The following ZC3H13 variants were observed in gnomAD, a reference collection of about 807,000 sequenced individuals.
The protein encoded by ZC3H13 is zinc finger CCCH-type containing 13, also known as zinc finger CCCH domain-containing protein 13.
In ZC3H13, 64 loss-of-function variants were observed where a neutral mutation model predicts 204.1. The ratio of observed to expected loss-of-function variants is 0.31; its 90% CI spans 0.26 to 0.39. The LOEUF (loss-of-function observed/expected upper bound fraction) is 0.39, where lower values mean the gene tolerates loss of function less well. ZC3H13 is among the 10% of genes least tolerant of loss of function. The pLI, the probability that ZC3H13 is intolerant of heterozygous loss-of-function variation, is 1.00. For synonymous variants in ZC3H13, 667 were observed against 693.7 expected, an observed-to-expected ratio of 0.96 and a Z score of 0.60; for missense variants, 1,833 against 2,082.7, an observed-to-expected ratio of 0.88 and a Z score of 2.33.
At chr13:46,039,088 T>A (rs1488912613) in intron 4 of ZC3H13, among the ~76,000 whole-genome samples, 1 of 152,168 alleles carries the variant, frequency 6.6e-6, no homozygotes, top group Non-Finnish European at 1.5e-5. Context: ...CTGTTTAAGT[T>A]TAGATAGTGT....
At chr13:45,973,357 G>A (rs1952746726) in intron 12 of ZC3H13, among the ~76,000 whole-genome samples, 1 of 152,194 alleles carries the variant, frequency 6.6e-6, no homozygotes, top group Admixed American at 6.5e-5. Context: ...TTAATCTCAT[G>A]TAATTAGTTT....
In ZC3H13 at chr13:46,013,560, G is replaced by GTT. The variant is rs577075452; in HGVS notation, c.449-2007_449-2006insAA. Among the ~76,000 whole-genome samples the GTT allele has an allele frequency of 1.2e-3, 181 of 152,226 alleles. 1 individual carries two copies. The highest frequency in any genetic ancestry group is 2.2e-3 in the Non-Finnish European group (149 of 68,016). The stretch of plus-strand genomic sequence containing the variant: ...AAAAACTCAGATATTTTCCTAACCT[G>GTT]TAAGAGATGGACTACAAGATAGGCA... On this transcript the variant is annotated intron_variant, in intron 5 of 18. Coordinates refer to ENST00000679008, the MANE Select transcript of ZC3H13 (RefSeq NM_001330564.2).
At chr13:45,998,915 TTC>T (rs1397175943) in intron 8 of ZC3H13, among the ~76,000 whole-genome samples, 87 of 152,258 alleles carry the variant, frequency 5.7e-4, no homozygotes, top group African/African-American at 2.0e-3. Flanking sequence ...TGTGATGCTG[TTC>T]GCTAGCATTT....
At chr13:46,030,712 A>G (rs1375254711) in intron 4 of ZC3H13, among the ~76,000 whole-genome samples, 2 of 152,232 alleles carry the variant, frequency 1.3e-5, no homozygotes, top group African/African-American at 4.8e-5. Flanking sequence ...TCATCAGTAT[A>G]GAAAAAAATG....
intron 10 of ZC3H13, among the ~76,000 whole-genome samples, chr13:45,982,721 T>C (rs891995451): frequency 2.0e-5 from 3 of 152,190 alleles, no homozygotes; most frequent in Non-Finnish European, 2.9e-5. Context: ...AATGCTCCAA[T>C]AAGCATTTCC....
At chr13:45,967,404 T>C in intron 15 of ZC3H13, 100 bp downstream of exon 15, 1 of 1,343,274 alleles carries the variant, frequency 7.4e-7, no homozygotes, top group Admixed American at 2.6e-5. Flanking sequence ...ATGGAGTCAA[T>C]TTGCCCATTA....
chr13:46,011,612 C>A, intron 5 of ZC3H13, 58 bp from the exon 6 acceptor site: 1 of 1,375,838 alleles, frequency 7.3e-7, no homozygotes. Flanking sequence ...TGCCAAAAAT[C>A]ATACAGACTT....
intron 7 of ZC3H13, among the ~76,000 whole-genome samples, chr13:46,005,434 G>A (rs1448428509): frequency 2.0e-5 from 3 of 151,966 alleles, no homozygotes; most frequent in Non-Finnish European, 2.9e-5. Context: ...AATTTTTAAA[G>A]TAGTACTCAT....
chr13:46,004,407 G>T (rs900234327), intron 7 of ZC3H13, among the ~76,000 whole-genome samples: 1 of 152,104 alleles, frequency 6.6e-6, no homozygotes, highest in Non-Finnish European at 1.5e-5. Flanking sequence ...AGGCATGGTG[G>T]TGGGTGCCTG....
chr13:46,013,012 C>T (rs562377091), intron 5 of ZC3H13, among the ~76,000 whole-genome samples: 2 of 152,272 alleles, frequency 1.3e-5, no homozygotes, highest in African/African-American at 4.8e-5. Context: ...TAAAAATTCG[C>T]AACTGGAAAT....
intron 4 of ZC3H13, 106 bp from the exon 5 acceptor site, chr13:46,020,663 A>G (rs897846839): frequency 2.6e-6 from 2 of 756,302 alleles, no homozygotes; most frequent in Non-Finnish European, 4.1e-6. Flanking sequence ...TGTTTCATCA[A>G]AGAATCAGTT....
At chr13:46,037,042 T>C (rs188041342) in intron 4 of ZC3H13, among the ~76,000 whole-genome samples, 14 of 152,222 alleles carry the variant, frequency 9.2e-5, no homozygotes, top group African/African-American at 3.4e-4. Context: ...TAATATTGTA[T>C]ATGAGGACGA....
chr13:46,031,448 C>A (rs958504752), intron 4 of ZC3H13, among the ~76,000 whole-genome samples: 7 of 151,722 alleles, frequency 4.6e-5, no homozygotes, highest in Admixed American at 3.3e-4. Context: ...AACTGGACTT[C>A]ATTAAAATTA....
intron 5 of ZC3H13, among the ~76,000 whole-genome samples, chr13:46,014,230 T>C (rs984346921): frequency 1.3e-5 from 2 of 152,288 alleles, no homozygotes; most frequent in East Asian, 3.9e-4. Flanking sequence ...GTTTGTAACA[T>C]AGGTATACAT....
At chr13:46,045,211 A>T in intron 2 of ZC3H13, 147 bp from the exon 3 acceptor site, 1 of 972,550 alleles carries the variant, frequency 1.0e-6, no homozygotes, top group East Asian at 2.4e-5. Context: ...CAGGAAAAAA[A>T]TATGGAAAAA....
chr13:46,012,623 T>C (rs1453273053), intron 5 of ZC3H13, among the ~76,000 whole-genome samples: 1 of 147,872 alleles, frequency 6.8e-6, no homozygotes, highest in Non-Finnish European at 1.5e-5. Context: ...CCTGTGTGAC[T>C]AAGCTTGATT....
intron 2 of ZC3H13, 36 bp from the exon 3 acceptor site, chr13:46,045,100 T>C: frequency 1.9e-6 from 3 of 1,541,048 alleles, no homozygotes; most frequent in Non-Finnish European, 2.6e-6. Context: ...ATTTCATATT[T>C]ATTTCTGGAA....
rs2041502395 is a variant in ZC3H13, at chr13:46,010,786, G to A, written c.589-281C>T. Among the ~76,000 whole-genome samples the A allele has an allele frequency of 2.6e-5, 4 of 151,588 alleles. No homozygotes were observed. The South Asian group carries it at 8.3e-4, about 32-fold the overall frequency. On this transcript the variant is annotated intron_variant, in intron 6 of 18. Coordinates refer to ENST00000679008, the MANE Select transcript of ZC3H13 (RefSeq NM_001330564.2). Reference sequence around the variant, plus strand: ...AGGTGCCTATGGTCTCAGCTATTAGGGAGGCTGAGATGGGAGGATCCCTTG... The same window carrying A: ...AGGTGCCTATGGTCTCAGCTATTAGAGAGGCTGAGATGGGAGGATCCCTTG...
chr13:45,985,498 AGTCATG>A lies in ZC3H13; in HGVS notation c.1513_1518del (p.His505_Asp506del). The A allele has an allele frequency of 6.2e-7, 1 of 1,614,140 alleles. No individual in the cohort carries two copies. The highest frequency in any genetic ancestry group is 8.5e-7 in the Non-Finnish European group (1 of 1,180,028). On this transcript the variant is annotated inframe_deletion, in exon 10 of 19. Coordinates refer to ENST00000679008, the MANE Select transcript of ZC3H13 (RefSeq NM_001330564.2). ...GTATCTCGACCTTCACGGTCCCTGT[AGTCATG>A]GGCATCACGAGTGGACCGAGAATCT...
Sources: allele counts gnomAD v4.1 joint callset (sites outside exome capture counted in the v4.1 genomes callset), GRCh38; gene constraint gnomAD v4.1.1; transcripts MANE v1.5; gene names NCBI Gene and HGNC (gene_info 2026-07-23, HGNC 2026-07-21).